KCNMB4: variants seen among roughly 807,000 people sequenced by gnomAD.
The protein encoded by KCNMB4 is potassium calcium-activated channel subfamily M regulatory beta subunit 4, also known as calcium-activated potassium channel subunit beta-4.
In KCNMB4, 3 loss-of-function variants were observed where a neutral mutation model predicts 20.7. The observed-to-expected ratio is 0.14, with a 90% CI of 0.07 to 0.37. KCNMB4 has a LOEUF of 0.37. KCNMB4 is among the 10% of genes least tolerant of loss of function. KCNMB4 has a pLI of 1.00. For synonymous variants in KCNMB4, 110 were observed against 113.4 expected (o/e 0.97, Z 0.19); for missense variants, 168 against 265.9 (o/e 0.63, Z 2.56).
intron 1 of KCNMB4, among the ~76,000 whole-genome samples, chr12:70,367,603 G>C (rs1883518460): frequency 6.6e-6 from 1 of 152,058 alleles, no homozygotes; most frequent in African/African-American, 2.4e-5. Context: ...TCAAAGATAA[G>C]CTTTTGTGGC....
At chr12:70,387,833 A>G (rs1020616440) in intron 1 of KCNMB4, among the ~76,000 whole-genome samples, 10 of 151,658 alleles carry the variant, frequency 6.6e-5, no homozygotes, top group African/African-American at 1.7e-4. Flanking sequence ...ATCCAGTTAT[A>G]CTCTTTAAGT....
intron 1 of KCNMB4, among the ~76,000 whole-genome samples, chr12:70,378,245 C>T (rs753032032): frequency 1.3e-4 from 19 of 151,894 alleles, no homozygotes; most frequent in Middle Eastern, 3.2e-3. Context: ...CATGAGCCAC[C>T]GCGCCCGGCC....
chr12:70,408,880 A>AC (rs1194670968), intron 2 of KCNMB4, among the ~76,000 whole-genome samples: 1 of 150,692 alleles, frequency 6.6e-6, no homozygotes, highest in Non-Finnish European at 1.5e-5. Context: ...CCTAACTTAT[A>AC]CCCCCTTAAC....
chr12:70,430,431 T>G (rs1236190575), intron 2 of KCNMB4, 54 bp from the exon 3 acceptor site: 8 of 1,590,858 alleles, frequency 5.0e-6, no homozygotes, highest in African/African-American at 1.4e-5. Context: ...AAAGAGTTTT[T>G]CAGTGCCAAG....
intron 1 of KCNMB4, among the ~76,000 whole-genome samples, chr12:70,378,468 A>T (rs1447536172): frequency 6.6e-6 from 1 of 152,116 alleles, no homozygotes; most frequent in Non-Finnish European, 1.5e-5. Flanking sequence ...TTTTTCATTT[A>T]CTTTGCCCAG....
intron 1 of KCNMB4, among the ~76,000 whole-genome samples, chr12:70,391,745 A>T (rs1246982167): frequency 1.3e-5 from 2 of 152,212 alleles, no homozygotes; most frequent in East Asian, 3.8e-4. Flanking sequence ...CTGTCTGGAG[A>T]CCAAGGATGA....
intron 1 of KCNMB4, among the ~76,000 whole-genome samples, chr12:70,378,063 C>T (rs927012628): frequency 5.3e-5 from 8 of 151,776 alleles, no homozygotes; most frequent in Admixed American, 1.3e-4. Context: ...GACTCTCCTG[C>T]GTCAGCCTCC....
At chr12:70,416,771 A>G (rs1444372947) in intron 2 of KCNMB4, among the ~76,000 whole-genome samples, 2 of 152,218 alleles carry the variant, frequency 1.3e-5, no homozygotes. Flanking sequence ...TCTTTACTAT[A>G]TAATTTAGGG....
At chr12:70,371,368 C>T (rs74104010) in intron 1 of KCNMB4, among the ~76,000 whole-genome samples, 5,744 of 152,244 alleles carry the variant, frequency 0.038, 208 homozygotes, top group African/African-American at 0.094. Context: ...CGTGGTGGCT[C>T]ACAGTCACCT....
rs1212838621 is a variant in KCNMB4, at chr12:70,430,701, G to A, written c.*48G>A. 6 of 1,503,638 alleles carry A rather than the reference G, an allele frequency of 4.0e-6. No individual in the cohort carries two copies. Among genetic ancestry groups the A allele is most frequent in the Non-Finnish European group, 1.8e-6 (2 of 1,131,000 alleles). 93.1% of individuals were successfully genotyped at this position (1,503,638 alleles called of 1,614,324 possible). A position where few individuals can be genotyped will look rare whatever the true frequency, so the allele number is the denominator to read the frequency against. On this transcript the variant is annotated 3_prime_UTR_variant, in exon 3 of 3. Transcript: ENST00000258111. ...GCAAAGTACAGAAGCTGTACTCATCGGCACGCGTCCACCTGCGGAACCTGT... is the reference window on the plus strand; with the variant it reads ...GCAAAGTACAGAAGCTGTACTCATCAGCACGCGTCCACCTGCGGAACCTGT...
intron 1 of KCNMB4, among the ~76,000 whole-genome samples, chr12:70,391,421 A>C (rs371663559): frequency 6.6e-6 from 1 of 151,860 alleles, no homozygotes; most frequent in Non-Finnish European, 1.5e-5. Flanking sequence ...TCACCTCTCA[A>C]TCTCCTGACT....
At chr12:70,399,037 T>C (rs1218080705) in intron 1 of KCNMB4, among the ~76,000 whole-genome samples, 1 of 152,124 alleles carries the variant, frequency 6.6e-6, no homozygotes, top group African/African-American at 2.4e-5. Flanking sequence ...AGCAAGTAGG[T>C]TGACAGCACG....
intron 1 of KCNMB4, among the ~76,000 whole-genome samples, chr12:70,372,398 C>T (rs750184453): frequency 3.3e-5 from 5 of 152,204 alleles, no homozygotes; most frequent in African/African-American, 7.2e-5. Flanking sequence ...TGCACATGCA[C>T]ACATTCTGAC....
intron 1 of KCNMB4, among the ~76,000 whole-genome samples, chr12:70,370,499 G>A (rs1246164545): frequency 6.6e-6 from 1 of 151,708 alleles, no homozygotes; most frequent in African/African-American, 2.4e-5. Flanking sequence ...AGTGAGATGA[G>A]GTTTCACCAT....
intron 2 of KCNMB4, among the ~76,000 whole-genome samples, chr12:70,405,674 T>C (rs969809621): frequency 6.6e-6 from 1 of 152,144 alleles, no homozygotes; most frequent in Non-Finnish European, 1.5e-5. Flanking sequence ...TCTTGACTCT[T>C]CAAGATCCTG....
At chr12:70,384,350 CTG>C (rs10560726) in intron 1 of KCNMB4, among the ~76,000 whole-genome samples, 86,165 of 151,866 alleles carry the variant, frequency 0.57, 25,721 homozygotes, top group African/African-American at 0.76. Context: ...AATAAATGCT[CTG>C]TGAAACACAA....
chr12:70,414,742 C>G (rs1214897475), intron 2 of KCNMB4, among the ~76,000 whole-genome samples: 1 of 152,192 alleles, frequency 6.6e-6, no homozygotes, highest in Non-Finnish European at 1.5e-5. Flanking sequence ...ATACATGCTG[C>G]TCTTTATTAA....
intron 2 of KCNMB4, among the ~76,000 whole-genome samples, chr12:70,420,038 A>G (rs746887518): frequency 6.6e-6 from 1 of 152,250 alleles, no homozygotes; most frequent in East Asian, 1.9e-4. Context: ...AGTAAATCTT[A>G]TAACTCAGAT....
At chr12:70,377,684 A>G (rs80250905) in intron 1 of KCNMB4, among the ~76,000 whole-genome samples, 17,543 of 151,916 alleles carry the variant, frequency 0.12, 1,276 homozygotes, top group Middle Eastern at 0.22. Context: ...TTACAGTAGA[A>G]CTCCTTTCAA....
Sources: allele counts gnomAD v4.1 joint callset (sites outside exome capture counted in the v4.1 genomes callset), GRCh38; gene constraint gnomAD v4.1.1; transcripts MANE v1.5; gene names NCBI Gene and HGNC (gene_info 2026-07-23, HGNC 2026-07-21).